C1orf94: variants seen among roughly 807,000 people sequenced by gnomAD.
C1orf94 encodes uncharacterized protein C1orf94.
A neutral mutation model predicts 53.6 loss-of-function variants in C1orf94; 45 were observed. The observed-to-expected ratio is 0.84, with a 90% CI of 0.66 to 1.08. The LOEUF is 1.08. C1orf94 is among the 50% of genes least tolerant of loss of function. C1orf94 has a pLI of 0.00. For missense variants in C1orf94, 762 were observed against 738.9 expected, an observed-to-expected ratio of 1.03 and a Z score of -0.36; for synonymous variants, 304 against 296.1, an observed-to-expected ratio of 1.03 and a Z score of -0.27.
chr1:34,216,129 A>G (rs1346903840), intron 6 of C1orf94, among the ~76,000 whole-genome samples: 7 of 152,240 alleles, frequency 4.6e-5, no homozygotes, highest in Non-Finnish European at 2.9e-5. Flanking sequence ...TGAGAAAGTC[A>G]TTAGACAGAT....
intron 1 of C1orf94, among the ~76,000 whole-genome samples, chr1:34,189,932 C>G (rs920244058): frequency 2.6e-5 from 4 of 152,212 alleles, no homozygotes; most frequent in African/African-American, 9.6e-5. Flanking sequence ...CTCCTGACTG[C>G]AAAGCCCTTG....
intron 4 of C1orf94, among the ~76,000 whole-genome samples, chr1:34,204,553 C>T (rs1164666644): frequency 6.6e-6 from 1 of 152,210 alleles, no homozygotes; most frequent in Non-Finnish European, 1.5e-5. Flanking sequence ...GATTCGCTGA[C>T]TCCTTTACCA....
At chr1:34,167,597 G>A (rs1642062647) in intron 1 of C1orf94, among the ~76,000 whole-genome samples, 1 of 151,434 alleles carries the variant, frequency 6.6e-6, no homozygotes, top group East Asian at 1.9e-4. Flanking sequence ...GGGTCCACGT[G>A]CTTTCACTGA....
chr1:34,218,072 G>A (rs1557492931), intron 6 of C1orf94, among the ~76,000 whole-genome samples: 1 of 152,200 alleles, frequency 6.6e-6, no homozygotes, highest in African/African-American at 2.4e-5. Flanking sequence ...GGAGAGGCGT[G>A]TGCATTTCTG....
intron 1 of C1orf94, among the ~76,000 whole-genome samples, chr1:34,169,024 G>T (rs1169289619): frequency 2.0e-5 from 3 of 152,138 alleles, no homozygotes; most frequent in Non-Finnish European, 4.4e-5. Context: ...GTATAGCATG[G>T]CTCCTTTAGT....
intron 2 of C1orf94, among the ~76,000 whole-genome samples, chr1:34,199,554 CTAT>C (rs1642662010): frequency 1.3e-5 from 2 of 152,196 alleles, no homozygotes; most frequent in African/African-American, 2.4e-5. Context: ...GGGATCTGGT[CTAT>C]TATTATCAAC....
chr1:34,200,143 T>A (rs1333546830), intron 2 of C1orf94, among the ~76,000 whole-genome samples: 1 of 152,204 alleles, frequency 6.6e-6, no homozygotes, highest in African/African-American at 2.4e-5. Flanking sequence ...GTGAGCTGAA[T>A]CACCTGTGAG....
chr1:34,173,723 T>C (rs560527680), upstream of C1orf94, among the ~76,000 whole-genome samples: 1 of 152,202 alleles, frequency 6.6e-6, no homozygotes, highest in African/African-American at 2.4e-5. Context: ...AATGGAGACA[T>C]TGAGGTTAAA....
At chr1:34,171,447 A>G (rs969988801) in intron 1 of C1orf94, among the ~76,000 whole-genome samples, 1 of 145,672 alleles carries the variant, frequency 6.9e-6, no homozygotes, top group African/African-American at 2.5e-5. Context: ...TGCTGGATGA[A>G]TGGATAAACA....
chr1:34,175,196 T>TGA (rs1557474641), upstream of C1orf94, among the ~76,000 whole-genome samples: 42 of 150,046 alleles, frequency 2.8e-4, no homozygotes, highest in African/African-American at 6.7e-4. Flanking sequence ...TTTGATTTTT[T>TGA]TTTTTTTTTT....
intron 1 of C1orf94, among the ~76,000 whole-genome samples, chr1:34,184,079 G>A (rs1167948929): frequency 6.6e-6 from 1 of 152,124 alleles, no homozygotes; most frequent in Non-Finnish European, 1.5e-5. Context: ...CTACTGGACT[G>A]GGCTTGGTAC....
In C1orf94 at chr1:34,200,185, G is replaced by T. The variant is rs576655957; in HGVS notation, c.1010-587G>T. ...AACAAAAGTAGAATCCAGAATGAGA[G>T]ACCAAAGTGTGTGGCTCAGACCACA... On this transcript the variant is annotated intron_variant, in intron 2 of 6. Coordinates refer to ENST00000488417, the MANE Select transcript of C1orf94 (RefSeq NM_001134734.2). Among the ~76,000 whole-genome samples, 47 of 152,318 alleles carry T rather than the reference G, an allele frequency of 3.1e-4. 1 individual carries two copies. Among genetic ancestry groups the T allele is most frequent in the African/African-American group, 8.9e-4 (37 of 41,568 alleles).
intron 1 of C1orf94, among the ~76,000 whole-genome samples, chr1:34,183,582 C>T (rs910078127): frequency 3.6e-4 from 55 of 152,268 alleles, no homozygotes; most frequent in African/African-American, 1.3e-3. Context: ...TTGCCAGGTG[C>T]GGTGGCTTAT....
chr1:34,198,083 C>T (rs994829855), intron 2 of C1orf94, among the ~76,000 whole-genome samples, 170 bp downstream of exon 2: 2 of 152,232 alleles, frequency 1.3e-5, no homozygotes. Context: ...CCCCCACAGG[C>T]TTATTTTGCT....
chr1:34,185,224 G>C (rs1374134870), intron 1 of C1orf94, among the ~76,000 whole-genome samples: 1 of 152,022 alleles, frequency 6.6e-6, no homozygotes, highest in African/African-American at 2.4e-5. Context: ...CTGTCACCCA[G>C]GCTGGAGTGC....
In C1orf94 at chr1:34,199,317, C is replaced by CTAT. The variant is rs577279349; in HGVS notation, c.1009+1408_1009+1410dup. The stretch of plus-strand genomic sequence containing the variant: ...GGTGTGTGTGTCTCTGGGGAAAGGG[C>CTAT]TATTATCAGTGGGTACTGTTATTTC... On this transcript the variant is annotated intron_variant, in intron 2 of 6. Transcript: ENST00000488417. 1.2e-3 allele frequency among the ~76,000 whole-genome samples: 186 copies of CTAT among 152,258 alleles called. 1 individual carries two copies. The highest frequency in any genetic ancestry group is 4.4e-3 in the African/African-American group (183 of 41,540).
intron 5 of C1orf94, among the ~76,000 whole-genome samples, chr1:34,209,210 C>T (rs952978274): frequency 5.3e-5 from 8 of 151,748 alleles, no homozygotes; most frequent in African/African-American, 1.9e-4. Context: ...ACTCCAATGA[C>T]CATGCTTTAC....
intron 5 of C1orf94, among the ~76,000 whole-genome samples, chr1:34,210,271 C>T (rs778181028): frequency 2.0e-5 from 3 of 152,202 alleles, no homozygotes; most frequent in African/African-American, 4.8e-5. Context: ...ATCTGACCTG[C>T]GAGGTGCTCT....
chr1:34,174,111 G>A (rs1642186443), upstream of C1orf94, among the ~76,000 whole-genome samples: 1 of 152,196 alleles, frequency 6.6e-6, no homozygotes, highest in South Asian at 2.1e-4. Flanking sequence ...GACCCATGAT[G>A]GATGCTCAAA....
Sources: allele counts gnomAD v4.1 joint callset (sites outside exome capture counted in the v4.1 genomes callset), GRCh38; gene constraint gnomAD v4.1.1; transcripts MANE v1.5; gene names NCBI Gene and HGNC (gene_info 2026-07-23, HGNC 2026-07-21).